The following PCDHA5 variants were observed in gnomAD, a reference collection of about 807,000 sequenced individuals.
PCDHA5 encodes the protein protocadherin alpha 5.
PCDHA5 carries 43 observed loss-of-function variants against 61.6 expected under a neutral mutation model. The observed-to-expected ratio is 0.70, with a 90% CI of 0.55 to 0.90. The LOEUF (loss-of-function observed/expected upper bound fraction) is 0.90. Among genes scored for constraint, PCDHA5 ranks in the 40% least tolerant of loss-of-function variants. PCDHA5 has a pLI of 0.00. For missense variants in PCDHA5, 1,298 were observed against 1,222.7 expected, an observed-to-expected ratio of 1.06 and a Z score of -0.92; for synonymous variants, 627 against 543.9, an observed-to-expected ratio of 1.15 and a Z score of -2.13.
intron 1 of PCDHA5, chr5:140,883,208 A>G: frequency 6.2e-7 from 1 of 1,614,034 alleles, no homozygotes; most frequent in Non-Finnish European, 8.5e-7. Flanking sequence ...CGAAGAAAAG[A>G]AATTATATGA....
rs113486331 is a variant in PCDHA5, at chr5:140,935,958, T to C, written c.2353-42991T>C. ...CCCAGGCTGGAGTAAAGTGGTACAATCTTGGCTCACTGCAATCTCTGCCTC... is the reference window on the plus strand; with the variant it reads ...CCCAGGCTGGAGTAAAGTGGTACAACCTTGGCTCACTGCAATCTCTGCCTC... On this transcript the variant is annotated intron_variant, in intron 1 of 3. Coordinates refer to ENST00000529859, the MANE Select transcript of PCDHA5 (RefSeq NM_018908.3). Among the ~76,000 whole-genome samples the C allele has an allele frequency of 4.3e-3, 649 of 149,438 alleles. 7 individuals are homozygous for C. The highest frequency in any genetic ancestry group is 0.015 in the African/African-American group (604 of 40,738).
At chr5:140,843,169 C>T in intron 1 of PCDHA5, 1 of 1,596,092 alleles carries the variant, frequency 6.3e-7, no homozygotes, top group Non-Finnish European at 8.6e-7. Flanking sequence ...CAGCTGCAAG[C>T]AGCCCTCGCA....
At chr5:140,848,356 A>G in intron 1 of PCDHA5, 1 of 1,038,310 alleles carries the variant, frequency 9.6e-7, no homozygotes, top group Non-Finnish European at 1.4e-6. Context: ...CCCTTTTCCC[A>G]TGGGAAAGAG....
At chr5:140,953,903 C>T (rs755692840) in intron 1 of PCDHA5, among the ~76,000 whole-genome samples, 1 of 152,120 alleles carries the variant, frequency 6.6e-6, no homozygotes, top group Non-Finnish European at 1.5e-5. Context: ...TTAAGCCCAG[C>T]ATCCATTAGG....
intron 3 of PCDHA5, 63 bp downstream of exon 3, chr5:140,982,626 T>C (rs782343298): frequency 2.5e-5 from 39 of 1,581,800 alleles, no homozygotes; most frequent in Non-Finnish European, 2.8e-5. Context: ...TGACCTACTT[T>C]TGTAAGATCA....
At chr5:140,825,403 T>C (rs1186037363) in intron 1 of PCDHA5, 1 of 146,224 alleles carries the variant, frequency 6.8e-6, no homozygotes, top group South Asian at 2.1e-4. Context: ...TAATATATTA[T>C]ATATTTTATA....
intron 1 of PCDHA5, among the ~76,000 whole-genome samples, chr5:140,890,175 A>G (rs1488442027): frequency 6.6e-6 from 1 of 152,158 alleles, no homozygotes; most frequent in Non-Finnish European, 1.5e-5. Context: ...GAAATAGGCA[A>G]ATGCTACAAA....
intron 1 of PCDHA5, chr5:140,866,572 G>A (rs1184209628): frequency 1.3e-5 from 2 of 152,168 alleles, no homozygotes; most frequent in Non-Finnish European, 2.9e-5. Context: ...TGTTAATACA[G>A]TGGTTGGATA....
At chr5:140,865,309 T>C (rs1554159355) in intron 1 of PCDHA5, 1 of 152,176 alleles carries the variant, frequency 6.6e-6, no homozygotes, top group Non-Finnish European at 1.5e-5. Flanking sequence ...TAATTACAAA[T>C]GAGATGGCCT....
intron 1 of PCDHA5, among the ~76,000 whole-genome samples, chr5:140,964,320 T>C (rs782388382): frequency 1.3e-5 from 2 of 152,206 alleles, no homozygotes; most frequent in Non-Finnish European, 2.9e-5. Context: ...TAAAACAGCA[T>C]AATGGACAAC....
At chr5:140,917,245 G>A (rs2077971406) in intron 1 of PCDHA5, among the ~76,000 whole-genome samples, 1 of 149,588 alleles carries the variant, frequency 6.7e-6, no homozygotes, top group Non-Finnish European at 1.5e-5. Context: ...TAGGTACTAC[G>A]ATTGCTCACC....
chr5:140,834,392 C>T (rs2150216428), intron 1 of PCDHA5: 20 of 1,595,562 alleles, frequency 1.3e-5, no homozygotes, highest in Non-Finnish European at 6.0e-6. Context: ...AAATGGTGTG[C>T]CCGAATGGAT....
intron 3 of PCDHA5, among the ~76,000 whole-genome samples, chr5:141,007,388 TAAAATAC>T (rs1451350698): frequency 1.5e-5 from 1 of 67,196 alleles, no homozygotes; most frequent in Non-Finnish European, 2.7e-5. Context: ...CCATCTCTAC[TAAAATAC>T]AAAAAAAAAA....
chr5:140,871,036 C>G (rs781977409), intron 1 of PCDHA5: 3 of 1,613,274 alleles, frequency 1.9e-6, no homozygotes, highest in East Asian at 4.5e-5. Flanking sequence ...GCCGCGCCAC[C>G]GACTTCTAGT....
chr5:140,858,642 T>C, intron 1 of PCDHA5: 1 of 930,744 alleles, frequency 1.1e-6, no homozygotes, highest in South Asian at 1.9e-5. Context: ...CTTTGATTGG[T>C]ACTTAAATTT....
At chr5:140,856,839 A>T in intron 1 of PCDHA5, 1 of 1,592,670 alleles carries the variant, frequency 6.3e-7, no homozygotes, top group Non-Finnish European at 8.6e-7. Context: ...ATACGGCTCA[A>T]CGCTTCTGAT....
chr5:140,922,786 G>A (rs1397049612), intron 1 of PCDHA5, among the ~76,000 whole-genome samples: 2 of 152,198 alleles, frequency 1.3e-5, no homozygotes, highest in African/African-American at 4.8e-5. Context: ...AGAGAAAACT[G>A]TAGCTTTGGA....
At chr5:140,843,243 A>T in intron 1 of PCDHA5, 1 of 1,595,128 alleles carries the variant, frequency 6.3e-7, no homozygotes, top group Non-Finnish European at 8.6e-7. Flanking sequence ...GACGAAGCGG[A>T]CTCTCCGCGC....
At chr5:140,849,694 C>A (rs2041050724) in intron 1 of PCDHA5, 1 of 1,598,594 alleles carries the variant, frequency 6.3e-7, no homozygotes, top group African/African-American at 1.3e-5. Flanking sequence ...CTGGTGTCCA[C>A]CTACAAGAAT....
Sources: gnomAD v4.1 joint callset for allele counts (sites outside exome capture counted in the v4.1 genomes callset) on GRCh38, gnomAD v4.1.1 for gene constraint, MANE v1.5 for transcripts, NCBI Gene and HGNC (gene_info 2026-07-23, HGNC 2026-07-21) for gene names.